Variants in CHAF1A observed in about 807,000 individuals in gnomAD.
CHAF1A encodes the protein CAF-1 subunit A.
Under a neutral mutation model 93.2 loss-of-function variants are expected in CHAF1A, and 5 were observed. That is an observed-to-expected ratio of 0.05 (90% CI 0.03 to 0.11). CHAF1A has a LOEUF of 0.11. Ranked by LOEUF, CHAF1A falls within the 10% of genes least tolerant of loss-of-function variation. CHAF1A has a pLI of 1.00. For synonymous variants in CHAF1A, 504 were observed against 510.3 expected (o/e 0.99, Z 0.17); for missense variants, 1,102 against 1,259.9 (o/e 0.87, Z 1.90).
rs766585276 is a variant in CHAF1A at position 4,432,222 on chromosome 19, G to A, written c.2203+15G>A. ...AGACGAGCAGAGTGAGTGTGGGCGG[G>A]GCCAGGCCACCCACCTGTTCCTGGG... On this transcript the variant is annotated intron_variant, in intron 12 of 14. Transcript: ENST00000301280. 1.3e-6 allele frequency: 2 copies of A among 1,584,638 alleles called. No individual in the cohort carries two copies. The highest frequency in any genetic ancestry group is 2.3e-5 in the East Asian group (1 of 44,260).
chr19:4,409,909 C>A, intron 3 of CHAF1A, 150 bp downstream of exon 3: 4 of 841,948 alleles, frequency 4.8e-6, no homozygotes, highest in Non-Finnish European at 7.2e-6. Flanking sequence ...TTCCTGGTAT[C>A]AAAACTCACA....
At chr19:4,435,082 T>C (rs1053194999) in intron 13 of CHAF1A, among the ~76,000 whole-genome samples, 44 of 135,262 alleles carry the variant, frequency 3.3e-4, no homozygotes, top group Non-Finnish European at 5.5e-4. Context: ...TTTTTCTTTT[T>C]TTTCCTTTTT....
intron 1 of CHAF1A, among the ~76,000 whole-genome samples, chr19:4,403,596 C>T (rs964930250): frequency 3.9e-5 from 6 of 152,256 alleles, no homozygotes; most frequent in African/African-American, 1.4e-4. Flanking sequence ...TATTTGTTGC[C>T]GTCCTGGGCA....
At chr19:4,420,409 A>G (rs972155722) in intron 4 of CHAF1A, among the ~76,000 whole-genome samples, 2 of 151,828 alleles carry the variant, frequency 1.3e-5, no homozygotes, top group African/African-American at 4.8e-5. Flanking sequence ...TGCCCAGCTA[A>G]TTTTTGTATT....
At chr19:4,444,340 A>G (rs1263634679), downstream of CHAF1A, among the ~76,000 whole-genome samples, 1 of 152,024 alleles carries the variant, frequency 6.6e-6, no homozygotes, top group Non-Finnish European at 1.5e-5. Context: ...TGCAGGGCAG[A>G]GTCCCTGTGT....
chr19:4,423,687 A>T, intron 6 of CHAF1A, 119 bp from the exon 7 acceptor site: 1 of 1,066,524 alleles, frequency 9.4e-7, no homozygotes, highest in South Asian at 1.4e-5. Context: ...GCTGAAAATC[A>T]CAGTAGTGCC....
At chr19:4,416,973 G>A (rs1300931625) in intron 3 of CHAF1A, among the ~76,000 whole-genome samples, 1 of 152,110 alleles carries the variant, frequency 6.6e-6, no homozygotes, top group Non-Finnish European at 1.5e-5. Flanking sequence ...CCAGCCTGGA[G>A]ACATGTTTTA....
rs1568427069 is a variant in CHAF1A at position 4,402,808 on chromosome 19, G to T, written c.46G>T (p.Ala16Ser). 2.5e-6 allele frequency: 3 copies of T among 1,204,374 alleles called. No individual in the cohort carries two copies. The highest frequency in any genetic ancestry group is 6.9e-5 in the East Asian group (2 of 29,130). 74.6% of individuals were successfully genotyped at this position (1,204,374 alleles called of 1,614,324 possible). A position where few individuals can be genotyped will look rare whatever the true frequency, so the allele number is the denominator to read the frequency against. ...ECGAPGARGA[A>S]TAMDCKDRPA... Reference sequence around the variant, plus strand: ...CGGGGCGCCCGGCGCCAGGGGAGCCGCCACAGGTCGGTTCGGGCCCGCGCC... The same window carrying T: ...CGGGGCGCCCGGCGCCAGGGGAGCCTCCACAGGTCGGTTCGGGCCCGCGCC... Residue 16 changes from alanine to serine, a missense_variant, in exon 1 of 15, where the codon GCC (alanine) becomes TCC (serine). Physicochemically the swap from Ala to Ser is moderately conservative, Grantham distance 99. Transcript: ENST00000301280.
intron 14 of CHAF1A, 83 bp downstream of exon 14, chr19:4,442,424 TA>T: frequency 8.8e-7 from 1 of 1,134,312 alleles, no homozygotes; most frequent in Non-Finnish European, 1.3e-6. Flanking sequence ...TGGGGCTGCC[TA>T]AGACTAGCTC....
chr19:4,429,841 C>G, intron 10 of CHAF1A, 53 bp downstream of exon 10: 1 of 1,497,182 alleles, frequency 6.7e-7, no homozygotes, highest in Non-Finnish European at 9.2e-7. Context: ...GTTTGAGTCT[C>G]TGTCCCACAG....
intron 13 of CHAF1A, among the ~76,000 whole-genome samples, chr19:4,435,460 C>T (rs759706893): frequency 1.3e-5 from 2 of 151,878 alleles, no homozygotes; most frequent in African/African-American, 2.4e-5. Flanking sequence ...GCAGCCTTGA[C>T]CTCCCCAGGC....
chr19:4,413,178 TCTC>T (rs2145082082), intron 3 of CHAF1A, among the ~76,000 whole-genome samples: 1 of 152,216 alleles, frequency 6.6e-6, no homozygotes, highest in African/African-American at 2.4e-5. Context: ...TTCAAGCAAT[TCTC>T]CTGTCTCAAC....
At chr19:4,449,594 A>G (rs990712452), downstream of CHAF1A, 1 of 152,310 alleles carries the variant, frequency 6.6e-6, no homozygotes, top group African/African-American at 2.4e-5. Context: ...ACACCAGCCA[A>G]GGGAAGCGTG....
chr19:4,429,025 G>A (rs890376410), intron 8 of CHAF1A, 135 bp downstream of exon 8: 24 of 684,158 alleles, frequency 3.5e-5, no homozygotes, highest in South Asian at 1.3e-4. Context: ...CCTGGGCTTC[G>A]GTGCTGGCTC....
intron 7 of CHAF1A, among the ~76,000 whole-genome samples, chr19:4,426,217 G>C (rs1361364723): frequency 6.8e-6 from 1 of 147,126 alleles, no homozygotes; most frequent in African/African-American, 2.5e-5. Context: ...GCTGAGGCTG[G>C]AGTGCAGTGG....
At chr19:4,447,706 G>A, downstream of CHAF1A, 1 of 1,428,252 alleles carries the variant, frequency 7.0e-7, no homozygotes, top group Non-Finnish European at 9.9e-7. Context: ...CCAGGTAACA[G>A]CAGCTCAGCC....
downstream of CHAF1A, chr19:4,447,154 T>TGAGG: frequency 3.4e-6 from 2 of 594,714 alleles, no homozygotes; most frequent in Non-Finnish European, 6.0e-6. Flanking sequence ...GCACGAAGAG[T>TGAGG]GAGGCTGAGG....
At chr19:4,440,149 GA>G (rs1974359023) in intron 13 of CHAF1A, among the ~76,000 whole-genome samples, 1 of 152,202 alleles carries the variant, frequency 6.6e-6, no homozygotes, top group African/African-American at 2.4e-5. Context: ...AGAATTCCTG[GA>G]ATTTTTTGAG....
chr19:4,417,414 T>G (rs1973913216), intron 3 of CHAF1A, among the ~76,000 whole-genome samples: 1 of 151,898 alleles, frequency 6.6e-6, no homozygotes, highest in Non-Finnish European at 1.5e-5. Flanking sequence ...CTCTCTCCTT[T>G]GCTACAAATC....
Sources: allele counts gnomAD v4.1 joint callset (sites outside exome capture counted in the v4.1 genomes callset), GRCh38; gene constraint gnomAD v4.1.1; transcripts MANE v1.5; gene names NCBI Gene and HGNC (gene_info 2026-07-23, HGNC 2026-07-21).